SRC: variants seen among roughly 807,000 people sequenced by gnomAD.
SRC encodes proto-oncogene tyrosine-protein kinase Src.
In SRC, 13 loss-of-function variants were observed where a neutral mutation model predicts 62.9. The ratio of observed to expected loss-of-function variants is 0.21; its 90% CI spans 0.13 to 0.33. The LOEUF (loss-of-function observed/expected upper bound fraction) is 0.33. SRC is among the 10% of genes least tolerant of loss of function. SRC has a pLI of 1.00. For missense variants in SRC, 457 were observed against 737.3 expected (o/e 0.62, Z 4.40); for synonymous variants, 302 against 317.5 (o/e 0.95, Z 0.52).
At chr20:37,386,610 C>T (rs2070459630) in intron 5 of SRC, 1 of 663,056 alleles carries the variant, frequency 1.5e-6, no homozygotes, top group African/African-American at 1.8e-5. Flanking sequence ...CCCAGCTTCT[C>T]CCCTCCCCCC....
intron 1 of SRC, among the ~76,000 whole-genome samples, chr20:37,349,327 C>A (rs112824456): frequency 1.3e-5 from 2 of 152,188 alleles, no homozygotes; most frequent in African/African-American, 4.8e-5. Context: ...AAGTGCAATG[C>A]TGGGTGGCTG....
At chr20:37,388,242 C>T (rs775987402) in intron 5 of SRC, among the ~76,000 whole-genome samples, 2 of 151,788 alleles carry the variant, frequency 1.3e-5, no homozygotes, top group Non-Finnish European at 2.9e-5. Flanking sequence ...CCCATGCTTG[C>T]CTTTTTCCAG....
intron 3 of SRC, among the ~76,000 whole-genome samples, chr20:37,382,992 C>T (rs1021878741): frequency 6.6e-6 from 1 of 152,152 alleles, no homozygotes; most frequent in African/African-American, 2.4e-5. Context: ...CTCTGAAGTC[C>T]CTTAGCTCTT....
Position 37,402,025 on chromosome 20 carries a change from C to T in SRC, c.1116+347C>T, listed in dbSNP as rs1321279418. The T allele has an allele frequency of 1.3e-5, 4 of 311,420 alleles. No individual in the cohort carries two copies. The highest frequency in any genetic ancestry group is 2.3e-5 in the Non-Finnish European group (4 of 171,124). 19.3% of individuals were successfully genotyped at this position (311,420 alleles called of 1,614,324 possible). A position where few individuals can be genotyped will look rare whatever the true frequency, so the allele number is the denominator to read the frequency against. ...GCCTTTTTTTTTTTCATTTAATCCT[C>T]ATCACGACCAGGAGTGACGAGGATT... On this transcript the variant is annotated intron_variant, in intron 11 of 13. Transcript: ENST00000373578. This position sits in a 1 kb window ranked among gnomAD's most constrained non-coding sequence, Gnocchi z 6.2.
intron 1 of SRC, among the ~76,000 whole-genome samples, chr20:37,346,493 G>T (rs948031227): frequency 2.6e-5 from 4 of 151,974 alleles, no homozygotes; most frequent in Non-Finnish European, 5.9e-5. Context: ...CGGGGGGGGC[G>T]CAGGGTTCCT....
rs1403142383 is a variant in SRC, at chr20:37,403,407, G to A, written c.*28G>A. On this transcript the variant is annotated 3_prime_UTR_variant, in exon 14 of 14. Coordinates refer to ENST00000373578, the MANE Select transcript of SRC (RefSeq NM_198291.3). This position sits in a 1 kb window ranked among gnomAD's most constrained non-coding sequence, Gnocchi z 7.1. Reference sequence around the variant, plus strand: ...ACAGGCGGGCCCAGACCGGCTTCTCGGCTTGGATCCTGGGCTGGGTGGCCC... The same window carrying A: ...ACAGGCGGGCCCAGACCGGCTTCTCAGCTTGGATCCTGGGCTGGGTGGCCC... 1.1e-5 allele frequency: 17 copies of A among 1,543,214 alleles called. No individual in the cohort carries two copies. The highest frequency in any genetic ancestry group is 1.3e-5 in the Non-Finnish European group (15 of 1,144,244).
chr20:37,397,442 T>G lies in SRC; in HGVS notation c.704-257T>G, dbSNP rs1374176828. On this transcript the variant is annotated intron_variant, in intron 8 of 13. Coordinates refer to ENST00000373578, the MANE Select transcript of SRC (RefSeq NM_198291.3). The surrounding 1 kb of genome is among the most constrained non-coding windows in gnomAD (Gnocchi z 4.1). ...GGGCAGGTTCCCTGGACATGTTCCC[T>G]CCCCGCAGGGTTCCTGGCACCCCCT... 2.6e-5 allele frequency among the ~76,000 whole-genome samples: 4 copies of G among 152,202 alleles called. No homozygotes were observed. Among genetic ancestry groups the G allele is most frequent in the Non-Finnish European group, 5.9e-5 (4 of 68,024 alleles).
upstream of SRC, among the ~76,000 whole-genome samples, chr20:37,345,544 C>T (rs1480814980): frequency 6.6e-6 from 1 of 152,198 alleles, no homozygotes; most frequent in Non-Finnish European, 1.5e-5. Context: ...TGTCGCTCCT[C>T]CCCACCCTGT....
chr20:37,365,966 T>A (rs1229886337), intron 2 of SRC, among the ~76,000 whole-genome samples: 2 of 152,178 alleles, frequency 1.3e-5, no homozygotes, highest in African/African-American at 4.8e-5. Flanking sequence ...CTCTTGACAG[T>A]GTACCTCAGA....
rs56153701 is a variant in SRC, at chr20:37,365,319, AACACACACACACACACACACAC to A, written c.-173+73_-173+94del. On this transcript the variant is annotated intron_variant, in intron 2 of 13. Transcript: ENST00000373578. ...TCTTAAAAAGGAAAGAAAAGACATC[AACACACACACACACACACACAC>A]ACACACACACACACACACACACACA... 18 of 130,960 alleles carry A rather than the reference AACACACACACACACACACACAC, an allele frequency of 1.4e-4. No individual in the cohort carries two copies. The East Asian group carries it at 1.6e-3, about 12-fold the overall frequency. The allele number at this position is 130,960 out of a possible 1,614,324, so 8.1% of individuals were successfully genotyped here. A position where few individuals can be genotyped will look rare whatever the true frequency, so the allele number is the denominator to read the frequency against.
chr20:37,379,919 A>T (rs1348736339), intron 2 of SRC, among the ~76,000 whole-genome samples: 1 of 145,128 alleles, frequency 6.9e-6, no homozygotes, highest in Non-Finnish European at 1.5e-5. Context: ...AAAGGAAAAG[A>T]AAAAGAACGA....
chr20:37,384,711 G>A lies in SRC; in HGVS notation c.250+308G>A, dbSNP rs2070424108. 8.7e-6 allele frequency among the ~76,000 whole-genome samples: 1 copy of A among 115,096 alleles called. No individual in the cohort carries two copies. The highest frequency in any genetic ancestry group is 1.9e-5 in the Non-Finnish European group (1 of 53,094). 75.5% of individuals were successfully genotyped at this position (115,096 alleles called of 152,430 possible). ...CGGGACCGGGCCTGTTGCTGCCTTG[G>A]CGCCCAGTCCTTTTTCGTTGCCTGG... is the stretch of plus-strand genomic sequence containing the variant. On this transcript the variant is annotated intron_variant, in intron 4 of 13. Coordinates refer to ENST00000373578, the MANE Select transcript of SRC (RefSeq NM_198291.3). The surrounding 1 kb of genome is among the most constrained non-coding windows in gnomAD (Gnocchi z 6.7).
intron 1 of SRC, among the ~76,000 whole-genome samples, chr20:37,362,763 C>G (rs901173365): frequency 3.3e-5 from 5 of 152,234 alleles, no homozygotes; most frequent in African/African-American, 1.2e-4. Flanking sequence ...CCTCCTAACC[C>G]CTCCAACTCA....
chr20:37,385,670 G>A (rs1568635639), intron 4 of SRC, among the ~76,000 whole-genome samples: 1 of 152,212 alleles, frequency 6.6e-6, no homozygotes, highest in African/African-American at 2.4e-5. Flanking sequence ...TCCTGGGGGA[G>A]TGTTCTTCAT....
At chr20:37,360,367 G>T (rs748515839) in intron 1 of SRC, among the ~76,000 whole-genome samples, 1 of 151,684 alleles carries the variant, frequency 6.6e-6, no homozygotes, top group Non-Finnish European at 1.5e-5. Context: ...GGGACTACAG[G>T]CGCATACCAC....
chr20:37,371,343 C>T (rs1371735246), intron 2 of SRC, among the ~76,000 whole-genome samples: 2 of 152,204 alleles, frequency 1.3e-5, no homozygotes, highest in Middle Eastern at 3.4e-3. Context: ...GGAATTTCAT[C>T]TAAGTTATCT....
chr20:37,383,755 A>G, intron 3 of SRC: 1 of 166,402 alleles, frequency 6.0e-6, no homozygotes, highest in Non-Finnish European at 1.3e-5. Flanking sequence ...TTTTTGAGAC[A>G]GAGTATTCCT....
At chr20:37,345,242 G>C (rs2069700873), upstream of SRC, among the ~76,000 whole-genome samples, 1 of 152,202 alleles carries the variant, frequency 6.6e-6, no homozygotes, top group Non-Finnish European at 1.5e-5. Flanking sequence ...AAGGAGCCAA[G>C]GGTGGGGTGC....
At chr20:37,385,973 G>C (rs1399189046) in intron 4 of SRC, 102 bp from the exon 5 acceptor site, 3 of 878,874 alleles carry the variant, frequency 3.4e-6, no homozygotes, top group Admixed American at 1.9e-5. Context: ...GAGCACTTGC[G>C]TGTGGGAGAC....
Sources: gnomAD v4.1 joint callset for allele counts (sites outside exome capture counted in the v4.1 genomes callset) on GRCh38, gnomAD v4.1.1 for gene constraint, Gnocchi (gnomAD v3.1) non-coding constraint, MANE v1.5 for transcripts, NCBI Gene and HGNC (gene_info 2026-07-23, HGNC 2026-07-21) for gene names.